Variants in SPOCK3 observed in about 807,000 individuals in gnomAD.
SPOCK3 encodes testican-3.
SPOCK3 carries 30 observed loss-of-function variants against 56.6 expected under a neutral mutation model. The ratio of observed to expected loss-of-function variants is 0.53; its 90% confidence interval spans 0.40 to 0.72. SPOCK3 has a LOEUF of 0.72. Among genes scored for constraint, SPOCK3 ranks in the 30% least tolerant of loss-of-function variants. The pLI, the probability that SPOCK3 is intolerant of heterozygous loss-of-function variation, is 0.00. For synonymous variants in SPOCK3, 196 were observed against 183.3 expected (o/e 1.07, Z -0.56); for missense variants, 527 against 530.0 (o/e 0.99, Z 0.06).
At position 166,849,240 on chromosome 4, in the gene SPOCK3, C is replaced by T. The variant is rs541600853; in HGVS notation, c.589+39890G>A. The stretch of plus-strand genomic sequence containing the variant: ...GAATTTTTTGTATTCATTCCTGTTT[C>T]TATACACATAATTTATGTGTGTGCA... On this transcript the variant is annotated intron_variant, in intron 6 of 10. Coordinates refer to ENST00000357545, the MANE Select transcript of SPOCK3 (RefSeq NM_001040159.2). Among the ~76,000 whole-genome samples, 142 of 152,174 alleles carry T rather than the reference C, an allele frequency of 9.3e-4. 1 individual carries two copies. Among genetic ancestry groups the T allele is most frequent in the African/African-American group, 3.2e-3 (133 of 41,530 alleles).
At chr4:167,163,398 C>T (rs538692890) in intron 2 of SPOCK3, among the ~76,000 whole-genome samples, 31 of 151,810 alleles carry the variant, frequency 2.0e-4, no homozygotes, top group Middle Eastern at 3.4e-3. Context: ...TCTGGGGAAA[C>T]GGGGTACCCA....
rs778390054 is a variant in SPOCK3 at position 167,000,476 on chromosome 4, C to T, written c.236-13G>A. ...GCTGGATCTAAAGCTAAAAAAATTGCAAAGAAAATATTAAAATAAGCTTCT... is the reference window on the plus strand; with the variant it reads ...GCTGGATCTAAAGCTAAAAAAATTGTAAAGAAAATATTAAAATAAGCTTCT... On this transcript the variant is annotated splice_polypyrimidine_tract_variant and intron_variant, in intron 3 of 10. Transcript: ENST00000357545. 3.0e-6 allele frequency: 4 copies of T among 1,337,062 alleles called. No individual in the cohort carries two copies. Among genetic ancestry groups the T allele is most frequent in the South Asian group, 1.3e-5 (1 of 79,720 alleles). The allele number at this position is 1,337,062 out of a possible 1,614,324, so 82.8% of individuals were successfully genotyped here. A position where few individuals can be genotyped will look rare whatever the true frequency, so the allele number is the denominator to read the frequency against.
chr4:166,790,146 A>G (rs1234552189), intron 7 of SPOCK3, among the ~76,000 whole-genome samples: 4 of 152,152 alleles, frequency 2.6e-5, no homozygotes, highest in Non-Finnish European at 4.4e-5. Flanking sequence ...GTATATGTCA[A>G]TCTCTATCCT....
chr4:167,013,626 T>C (rs1402397299), intron 3 of SPOCK3, among the ~76,000 whole-genome samples: 3 of 151,898 alleles, frequency 2.0e-5, no homozygotes, highest in Admixed American at 1.3e-4. Context: ...TACTGAATTC[T>C]CACCCTAAGG....
chr4:167,056,873 T>A (rs1473128087), intron 3 of SPOCK3, among the ~76,000 whole-genome samples: 1 of 152,100 alleles, frequency 6.6e-6, no homozygotes, highest in Non-Finnish European at 1.5e-5. Flanking sequence ...CAGGATATTA[T>A]CCAGGAGAAC....
chr4:167,083,388 C>G lies in SPOCK3; in HGVS notation c.190-20851G>C. ...AATAACGAATTCAACTTGCTCAACT[C>G]TAAGTGTCCCTGTGGCTGGATGAAG... On this transcript the variant is annotated intron_variant, in intron 2 of 10. Coordinates refer to ENST00000357545, the MANE Select transcript of SPOCK3 (RefSeq NM_001040159.2). 5.3e-6 allele frequency: 4 copies of G among 749,384 alleles called. No homozygotes were observed. The South Asian group carries it at 5.5e-5, about 10-fold the overall frequency. 46.4% of individuals were successfully genotyped at this position (749,384 alleles called of 1,614,324 possible).
chr4:166,984,906 T>C (rs1746974953), intron 4 of SPOCK3, among the ~76,000 whole-genome samples: 1 of 152,138 alleles, frequency 6.6e-6, no homozygotes, highest in Non-Finnish European at 1.5e-5. Context: ...CTGTCTTTAA[T>C]GATCATGCTT....
chr4:166,964,347 G>A (rs1401592159), intron 4 of SPOCK3, among the ~76,000 whole-genome samples: 1 of 151,652 alleles, frequency 6.6e-6, no homozygotes, highest in Non-Finnish European at 1.5e-5. Context: ...ATGTTGCTAT[G>A]GGATTTAAAA....
intron 6 of SPOCK3, among the ~76,000 whole-genome samples, chr4:166,856,541 C>T (rs1286195637): frequency 3.3e-5 from 5 of 151,938 alleles, no homozygotes; most frequent in East Asian, 1.9e-4. Context: ...TTTGGGAGAC[C>T]GAGGTGGGTG....
intron 2 of SPOCK3, among the ~76,000 whole-genome samples, chr4:167,074,090 A>G (rs1756952239): frequency 6.6e-6 from 1 of 151,874 alleles, no homozygotes; most frequent in Non-Finnish European, 1.5e-5. Flanking sequence ...CTTGAAAGCT[A>G]AAACAGAATT....
intron 6 of SPOCK3, among the ~76,000 whole-genome samples, chr4:166,795,251 A>G (rs1741807010): frequency 6.6e-6 from 1 of 152,184 alleles, no homozygotes; most frequent in Non-Finnish European, 1.5e-5. Context: ...AATTTCTATT[A>G]TTTCAAATTA....
At chr4:167,038,592 G>C (rs775292739) in intron 3 of SPOCK3, among the ~76,000 whole-genome samples, 7 of 150,264 alleles carry the variant, frequency 4.7e-5, no homozygotes, top group Non-Finnish European at 8.8e-5. Context: ...ACCACTCCCA[G>C]GGTGCCATCC....
intron 2 of SPOCK3, among the ~76,000 whole-genome samples, chr4:167,150,607 C>A (rs760920292): frequency 9.2e-5 from 14 of 152,008 alleles, no homozygotes; most frequent in East Asian, 1.9e-4. Flanking sequence ...AAATAGAAAA[C>A]CCGTAGACTT....
At chr4:167,117,163 G>A (rs370127005) in intron 2 of SPOCK3, among the ~76,000 whole-genome samples, 1 of 151,880 alleles carries the variant, frequency 6.6e-6, no homozygotes. Flanking sequence ...CACATTGTAT[G>A]CTTGTATCAA....
intron 7 of SPOCK3, among the ~76,000 whole-genome samples, chr4:166,786,341 A>C (rs1437925271): frequency 6.6e-6 from 1 of 152,194 alleles, no homozygotes; most frequent in Non-Finnish European, 1.5e-5. Context: ...AGTCCCTAAG[A>C]GTAATCTGTA....
intron 2 of SPOCK3, among the ~76,000 whole-genome samples, chr4:167,106,287 C>G (rs985109524): frequency 2.0e-5 from 3 of 151,880 alleles, no homozygotes; most frequent in Non-Finnish European, 4.4e-5. Context: ...CAAACATCTT[C>G]TCTGACCACA....
At position 167,115,458 on chromosome 4, in the gene SPOCK3, C is replaced by T. The variant is rs17052963; in HGVS notation, c.190-52921G>A. ...TTGAAGCATAAGATAAAATATTGGT[C>T]CTGGGTAACTTATGTATAATTATAA... On this transcript the variant is annotated intron_variant, in intron 2 of 10. Coordinates refer to ENST00000357545, the MANE Select transcript of SPOCK3 (RefSeq NM_001040159.2). Among the ~76,000 whole-genome samples the T allele has an allele frequency of 2.2e-3, 329 of 151,776 alleles. 4 individuals carry two copies. Among genetic ancestry groups the T allele is most frequent in the African/African-American group, 7.6e-3 (314 of 41,390 alleles).
rs1737140141 is a variant in SPOCK3 at position 167,231,175 on chromosome 4, A to G, written c.189+2810T>C. On this transcript the variant is annotated intron_variant, in intron 2 of 10. Coordinates refer to ENST00000357545, the MANE Select transcript of SPOCK3 (RefSeq NM_001040159.2). ...TAACATTTATTTTTAAAATTATTCA[A>G]TTAAAATATAATGCTAAATTGTATT... is the stretch of plus-strand genomic sequence containing the variant. 2.6e-5 allele frequency among the ~76,000 whole-genome samples: 4 copies of G among 152,052 alleles called. No homozygotes were observed. The South Asian group carries it at 8.3e-4, about 31-fold the overall frequency.
intron 4 of SPOCK3, among the ~76,000 whole-genome samples, chr4:166,956,010 C>T (rs573552330): frequency 6.6e-6 from 1 of 152,184 alleles, no homozygotes; most frequent in East Asian, 1.9e-4. Context: ...TTGTCACTAA[C>T]TCCAACAGTT....
Sources: gnomAD v4.1 joint callset for allele counts (sites outside exome capture counted in the v4.1 genomes callset) on GRCh38, gnomAD v4.1.1 for gene constraint, MANE v1.5 for transcripts, NCBI Gene and HGNC (gene_info 2026-07-23, HGNC 2026-07-21) for gene names.